RGS9: variants seen among roughly 807,000 people sequenced by gnomAD.
The protein encoded by RGS9 is regulator of G protein signaling 9, also known as regulator of G-protein signalling 9.
A neutral mutation model predicts 102.0 loss-of-function variants in RGS9; 78 were observed. The observed-to-expected ratio is 0.76, with a 90% CI of 0.64 to 0.92. The LOEUF (loss-of-function observed/expected upper bound fraction) is 0.92. Ranked by LOEUF, RGS9 falls within the 40% of genes least tolerant of loss-of-function variation. The pLI is 0.00. For synonymous variants in RGS9, 353 were observed against 318.6 expected (o/e 1.11, Z -1.15); for missense variants, 833 against 866.1 (o/e 0.96, Z 0.48).
intron 8 of RGS9, among the ~76,000 whole-genome samples, chr17:65,177,104 T>G (rs1297218437): frequency 6.7e-6 from 1 of 148,676 alleles, no homozygotes; most frequent in African/African-American, 2.5e-5. Flanking sequence ...CTTCCATCCC[T>G]CCATTCATCC....
chr17:65,202,745 A>T (rs1486461615), intron 14 of RGS9, among the ~76,000 whole-genome samples: 1 of 152,076 alleles, frequency 6.6e-6, no homozygotes, highest in African/African-American at 2.4e-5. Flanking sequence ...TCCTGTTTTC[A>T]ATGGCCAGGT....
At chr17:65,198,585 G>A (rs1018421592) in intron 13 of RGS9, among the ~76,000 whole-genome samples, 9 of 152,122 alleles carry the variant, frequency 5.9e-5, no homozygotes, top group Non-Finnish European at 1.3e-4. Flanking sequence ...TGCACTTCCC[G>A]GAGAAGCATC....
At chr17:65,188,328 C>T (rs1180310430) in intron 9 of RGS9, among the ~76,000 whole-genome samples, 1 of 152,192 alleles carries the variant, frequency 6.6e-6, no homozygotes, top group Non-Finnish European at 1.5e-5. Context: ...TGAAGCTTAT[C>T]CCCAGTATGA....
In RGS9 at chr17:65,210,575, A is replaced by C. The variant is rs111496630; in HGVS notation, c.1377A>C (p.Arg459=). 5.6e-5 allele frequency: 90 copies of C among 1,614,062 alleles called. 2 individuals carry two copies. In the African/African-American group the frequency reaches 7.5e-4, roughly 13 times the overall value. The change falls in exon 17 of 19, where the codon CGA becomes CGC. Residue 459 remains arginine (R), a synonymous_variant. Transcript: ENST00000262406. ...LRQLEEEAKA[R]EAANTVDITQ... ...AGCTGGAAGAGGAAGCCAAGGCCCG[A>C]GAAGCAGCCAACACTGTGGACATCA... is the stretch of plus-strand genomic sequence containing the variant.
At chr17:65,152,954 G>A (rs943746727) in intron 1 of RGS9, among the ~76,000 whole-genome samples, 7 of 152,112 alleles carry the variant, frequency 4.6e-5, no homozygotes, top group African/African-American at 1.7e-4. Context: ...TTTCCAGAAC[G>A]CTCTCTAGGA....
chr17:65,207,784 A>G (rs372644608), intron 15 of RGS9, 138 bp from the exon 16 acceptor site: 51 of 627,810 alleles, frequency 8.1e-5, no homozygotes, highest in African/African-American at 7.3e-4. Flanking sequence ...ACCTCCCCCA[A>G]CACCTTTCAC....
intron 1 of RGS9, among the ~76,000 whole-genome samples, chr17:65,151,342 C>CG (rs1910570753): frequency 8.2e-6 from 1 of 121,730 alleles, no homozygotes; most frequent in African/African-American, 4.6e-5. Flanking sequence ...AAGACCTGTC[C>CG]CAAAAAAAAA....
chr17:65,162,999 T>C lies in RGS9; in HGVS notation c.424-14T>C. ...CTTGGGGCTTTCTGTTCTCATTTTGTTTTTCTTCTTTAGGAAAATTACAAT... is the reference window on the plus strand; with the variant it reads ...CTTGGGGCTTTCTGTTCTCATTTTGCTTTTCTTCTTTAGGAAAATTACAAT... On this transcript the variant is annotated splice_polypyrimidine_tract_variant and intron_variant, in intron 6 of 18. Transcript: ENST00000262406. 1 of 1,439,486 alleles carries C rather than the reference T, an allele frequency of 6.9e-7. No individual in the cohort carries two copies. The highest frequency in any genetic ancestry group is 1.4e-5 in the African/African-American group (1 of 71,044). The allele number at this position is 1,439,486 out of a possible 1,614,324, so 89.2% of individuals were successfully genotyped here. A position where few individuals can be genotyped will look rare whatever the true frequency, so the allele number is the denominator to read the frequency against.
chr17:65,215,127 G>T (rs577179975), intron 17 of RGS9, among the ~76,000 whole-genome samples: 1 of 152,304 alleles, frequency 6.6e-6, no homozygotes, highest in African/African-American at 2.4e-5. Flanking sequence ...GAAATCAGGA[G>T]CTGAGGAGTG....
intron 11 of RGS9, among the ~76,000 whole-genome samples, chr17:65,191,128 T>A (rs1297068904): frequency 6.6e-6 from 1 of 152,168 alleles, no homozygotes; most frequent in Admixed American, 6.5e-5. Context: ...TGATCCCAGC[T>A]GAGGAGGGCA....
At chr17:65,160,143 T>G (rs1910920062) in intron 3 of RGS9, 90 bp from the exon 4 acceptor site, 1 of 956,434 alleles carries the variant, frequency 1.0e-6, no homozygotes, top group African/African-American at 1.6e-5. Flanking sequence ...AAGGGGCACC[T>G]GTCCTGGAGT....
intron 17 of RGS9, among the ~76,000 whole-genome samples, chr17:65,214,888 CT>C (rs1192624972): frequency 5.3e-5 from 8 of 152,256 alleles, no homozygotes; most frequent in Non-Finnish European, 1.2e-4. Flanking sequence ...CCATCCACCC[CT>C]GGCTGATTTA....
At chr17:65,176,555 T>C (rs1351985630) in intron 8 of RGS9, among the ~76,000 whole-genome samples, 1 of 152,180 alleles carries the variant, frequency 6.6e-6, no homozygotes, top group Non-Finnish European at 1.5e-5. Context: ...TCACTTCACT[T>C]TTCCCGCCAA....
At chr17:65,214,242 C>A (rs181480362) in intron 17 of RGS9, among the ~76,000 whole-genome samples, 2 of 152,332 alleles carry the variant, frequency 1.3e-5, no homozygotes, top group East Asian at 3.9e-4. Flanking sequence ...GGATTATAGG[C>A]ATGAACAATT....
chr17:65,205,129 G>A (rs1296182266), intron 15 of RGS9, among the ~76,000 whole-genome samples: 1 of 152,112 alleles, frequency 6.6e-6, no homozygotes, highest in East Asian at 1.9e-4. Flanking sequence ...TATGTGAAGG[G>A]TACCTGAGAG....
chr17:65,226,520 G>T (rs1356411263), intron 18 of RGS9, among the ~76,000 whole-genome samples: 1 of 152,080 alleles, frequency 6.6e-6, no homozygotes, highest in Non-Finnish European at 1.5e-5. Context: ...CAGCTTTGGG[G>T]CCGCTGCTAT....
In RGS9 at chr17:65,180,592, C is replaced by T. The variant is rs139559688; in HGVS notation, c.654+2789C>T. On this transcript the variant is annotated intron_variant, in intron 9 of 18. Coordinates refer to ENST00000262406, the MANE Select transcript of RGS9 (RefSeq NM_003835.4). ...CTTGAACTCCTGACCTCAGGTGATC[C>T]GCCCATCTTGGCCTCCCAAAGTGCT... Among the ~76,000 whole-genome samples the T allele has an allele frequency of 5.7e-3, 873 of 152,278 alleles. 6 individuals are homozygous for T. Among genetic ancestry groups the T allele is most frequent in the Middle Eastern group, 0.01 (3 of 294 alleles).
chr17:65,150,309 C>T (rs573689365), intron 1 of RGS9, among the ~76,000 whole-genome samples: 2 of 152,262 alleles, frequency 1.3e-5, no homozygotes, highest in African/African-American at 4.8e-5. Context: ...CTTCCTACTC[C>T]TTGCTAATCT....
At chr17:65,200,795 T>C (rs1456079143) in intron 13 of RGS9, among the ~76,000 whole-genome samples, 1 of 152,146 alleles carries the variant, frequency 6.6e-6, no homozygotes, top group Non-Finnish European at 1.5e-5. Flanking sequence ...TGGGGGGATT[T>C]GCAACAATCT....
Sources: allele counts gnomAD v4.1 joint callset (sites outside exome capture counted in the v4.1 genomes callset), GRCh38; gene constraint gnomAD v4.1.1; transcripts MANE v1.5; gene names NCBI Gene and HGNC (gene_info 2026-07-23, HGNC 2026-07-21).